The following VAT1L variants were observed in gnomAD, a reference collection of about 807,000 sequenced individuals.
VAT1L encodes vesicle amine transport 1 like.
In VAT1L, 34 loss-of-function variants were observed where a neutral mutation model predicts 44.1. The ratio of observed to expected loss-of-function variants is 0.77; its 90% confidence interval spans 0.59 to 1.03. VAT1L has a LOEUF of 1.03. Ranked by LOEUF, VAT1L falls within the 50% of genes least tolerant of loss-of-function variation. VAT1L has a pLI of 0.00. For synonymous variants in VAT1L, 253 were observed against 202.2 expected (o/e 1.25, Z -2.13); for missense variants, 615 against 538.8 (o/e 1.14, Z -1.40).
intron 3 of VAT1L, among the ~76,000 whole-genome samples, chr16:77,848,657 A>T (rs2145265832): frequency 6.6e-6 from 1 of 152,312 alleles, no homozygotes; most frequent in South Asian, 2.1e-4. Context: ...TGATTTGCCC[A>T]ACGCCAGCTA....
At chr16:77,813,919 T>C (rs1477935335) in intron 1 of VAT1L, among the ~76,000 whole-genome samples, 2 of 152,170 alleles carry the variant, frequency 1.3e-5, no homozygotes, top group African/African-American at 4.8e-5. Flanking sequence ...ACATGGCTCT[T>C]GTATGGGCAA....
chr16:77,918,652 A>C lies in VAT1L; in HGVS notation c.1077+33850A>C, dbSNP rs143804806. 1.3e-4 allele frequency among the ~76,000 whole-genome samples: 20 copies of C among 152,256 alleles called. No individual in the cohort carries two copies. In the East Asian group the frequency reaches 2.9e-3, roughly 22 times the overall value. On this transcript the variant is annotated intron_variant, in intron 7 of 8. Transcript: ENST00000302536. ...GAGGATGGAAAAATACCATCTTCCAATTGGTTCTCAATATCCAGCTTCATC... is the reference window on the plus strand; with the variant it reads ...GAGGATGGAAAAATACCATCTTCCACTTGGTTCTCAATATCCAGCTTCATC...
intron 7 of VAT1L, among the ~76,000 whole-genome samples, chr16:77,916,917 T>C (rs929252415): frequency 6.6e-6 from 1 of 152,118 alleles, no homozygotes; most frequent in Non-Finnish European, 1.5e-5. Flanking sequence ...ATGGTAATAT[T>C]AGTCATTTTC....
At chr16:77,960,800 C>G (rs2142534156) in intron 7 of VAT1L, among the ~76,000 whole-genome samples, 1 of 152,224 alleles carries the variant, frequency 6.6e-6, no homozygotes, top group Non-Finnish European at 1.5e-5. Flanking sequence ...AGCCACCCCA[C>G]CTCTCCTAAT....
intron 7 of VAT1L, among the ~76,000 whole-genome samples, chr16:77,890,620 G>T: frequency 6.6e-6 from 1 of 152,144 alleles, no homozygotes; most frequent in East Asian, 1.9e-4. Flanking sequence ...TTTTTTAAAT[G>T]TTCATTGAAG....
intron 2 of VAT1L, among the ~76,000 whole-genome samples, 195 bp downstream of exon 2, chr16:77,817,245 G>T (rs2016372496): frequency 6.6e-6 from 1 of 152,100 alleles, no homozygotes; most frequent in African/African-American, 2.4e-5. Context: ...GTTGCTCCTG[G>T]CAGCATTCTG....
At chr16:77,935,174 A>G (rs928684936) in intron 7 of VAT1L, among the ~76,000 whole-genome samples, 6 of 152,206 alleles carry the variant, frequency 3.9e-5, no homozygotes, top group Admixed American at 6.5e-5. Context: ...TCTCTGAAAA[A>G]AATAGTAAAA....
chr16:77,941,840 C>T (rs538254510), intron 7 of VAT1L, among the ~76,000 whole-genome samples: 4 of 152,110 alleles, frequency 2.6e-5, no homozygotes, highest in East Asian at 1.9e-4. Context: ...CCACCTGCCT[C>T]GGCCTCCCAG....
chr16:77,906,541 GGGA>G (rs2017438729), intron 7 of VAT1L, among the ~76,000 whole-genome samples: 1 of 152,200 alleles, frequency 6.6e-6, no homozygotes, highest in South Asian at 2.1e-4. Context: ...GAAAAAGTGA[GGGA>G]GAAGAAGAGC....
intron 3 of VAT1L, among the ~76,000 whole-genome samples, chr16:77,826,046 A>G (rs865780612): frequency 8.4e-6 from 1 of 119,226 alleles, no homozygotes; most frequent in African/African-American, 3.0e-5. Context: ...AAAAAAAAAA[A>G]AAAGAAAGAA....
intron 3 of VAT1L, among the ~76,000 whole-genome samples, chr16:77,847,980 C>A (rs568391868): frequency 6.6e-6 from 1 of 152,248 alleles, no homozygotes; most frequent in South Asian, 2.1e-4. Context: ...GGCCACCGTC[C>A]CCTGGACGTA....
At chr16:77,889,433 A>G (rs1200135320) in intron 7 of VAT1L, among the ~76,000 whole-genome samples, 2 of 152,200 alleles carry the variant, frequency 1.3e-5, no homozygotes, top group African/African-American at 4.8e-5. Flanking sequence ...GAAATAAAAA[A>G]TACTTGCATT....
At chr16:77,976,560 T>A (rs2018342077) in intron 8 of VAT1L, among the ~76,000 whole-genome samples, 1 of 152,052 alleles carries the variant, frequency 6.6e-6, no homozygotes, top group South Asian at 2.1e-4. Flanking sequence ...AGGACTCAAG[T>A]GTGGGAGATC....
At chr16:77,838,890 C>T (rs2016670563) in intron 3 of VAT1L, among the ~76,000 whole-genome samples, 1 of 151,968 alleles carries the variant, frequency 6.6e-6, no homozygotes, top group South Asian at 2.1e-4. Flanking sequence ...CCACCCCCCA[C>T]CCCCATCTCT....
chr16:77,903,515 C>T (rs561821332), intron 7 of VAT1L, among the ~76,000 whole-genome samples: 185 of 152,168 alleles, frequency 1.2e-3, no homozygotes, highest in Non-Finnish European at 2.1e-3. Context: ...AAGACTTATT[C>T]TAAGCCAAGC....
At chr16:77,955,305 G>A (rs183430087) in intron 7 of VAT1L, among the ~76,000 whole-genome samples, 113 of 152,332 alleles carry the variant, frequency 7.4e-4, no homozygotes, top group Admixed American at 1.7e-3. Context: ...ACGGGGTAGC[G>A]CTACTGACAT....
chr16:77,933,435 T>TA (rs1422615416), intron 7 of VAT1L, among the ~76,000 whole-genome samples: 2 of 152,378 alleles, frequency 1.3e-5, no homozygotes, highest in Admixed American at 1.3e-4. Flanking sequence ...CTGAACCATT[T>TA]ACTAGTCAGT....
chr16:77,940,815 G>T (rs74979983), intron 7 of VAT1L, among the ~76,000 whole-genome samples: 1 of 152,112 alleles, frequency 6.6e-6, no homozygotes, highest in African/African-American at 2.4e-5. Flanking sequence ...ATGACTTGGT[G>T]GGGGGCTGGG....
At chr16:77,899,574 C>T (rs1478691704) in intron 7 of VAT1L, among the ~76,000 whole-genome samples, 3 of 152,230 alleles carry the variant, frequency 2.0e-5, no homozygotes, top group Non-Finnish European at 4.4e-5. Context: ...GAGCTTGCTT[C>T]TTCCTTTCTA....
Sources: allele counts gnomAD v4.1 joint callset (sites outside exome capture counted in the v4.1 genomes callset), GRCh38; gene constraint gnomAD v4.1.1; transcripts MANE v1.5; gene names NCBI Gene and HGNC (gene_info 2026-07-23, HGNC 2026-07-21).